FAM171A1: variants seen among roughly 807,000 people sequenced by gnomAD.
FAM171A1 encodes family with sequence similarity 171 member A1, also known as protein FAM171A1.
FAM171A1 carries 23 observed loss-of-function variants against 74.9 expected under a neutral mutation model. That is an observed-to-expected ratio of 0.31 (90% CI 0.22 to 0.44). FAM171A1 has a LOEUF of 0.44. Ranked by LOEUF, FAM171A1 falls within the 20% of genes least tolerant of loss-of-function variation. The pLI is 1.00. For synonymous variants in FAM171A1, 527 were observed against 505.7 expected (o/e 1.04, Z -0.57); for missense variants, 1,162 against 1,159.2 (o/e 1.00, Z -0.03).
At chr10:15,322,570 C>T (rs1395078162) in intron 1 of FAM171A1, among the ~76,000 whole-genome samples, 1 of 152,174 alleles carries the variant, frequency 6.6e-6, no homozygotes, top group African/African-American at 2.4e-5. Context: ...CCAGCTGGTA[C>T]TATCAGTCAT....
At position 15,348,672 on chromosome 10, in the gene FAM171A1, T is replaced by G. The variant is rs576063210; in HGVS notation, c.97+22284A>C. Among the ~76,000 whole-genome samples, 229 of 152,250 alleles carry G rather than the reference T, an allele frequency of 1.5e-3. 2 individuals are homozygous for G. The South Asian group carries it at 0.019, about 13-fold the overall frequency. ...GCATCAGCCTCACGGAAGAGCTTGT[T>G]AACAGTACAGCCTCTCAGGGGCCAC... On this transcript the variant is annotated intron_variant, in intron 1 of 7. Transcript: ENST00000378116.
chr10:15,216,104 A>G lies in FAM171A1; in HGVS notation c.878T>C (p.Val293Ala). The G allele has an allele frequency of 6.3e-7, 1 of 1,591,246 alleles. No homozygotes were observed. The highest frequency in any genetic ancestry group is 8.5e-7 in the Non-Finnish European group (1 of 1,173,854). ...ATACGTGGTAATGTCCTGTGTTACA[A>G]CGGGACCTAGAAGGTCAGAAAATGG... ...AAMSPPIPGP[V>A]VTQDITTYHT... Residue 293 changes from valine (V) to alanine (A), a missense_variant, in exon 7 of 8, where the codon GTT (valine) becomes GCT (alanine). Coordinates refer to ENST00000378116, the MANE Select transcript of FAM171A1 (RefSeq NM_001010924.2).
chr10:15,237,007 C>T (rs1017246388), intron 5 of FAM171A1, among the ~76,000 whole-genome samples: 1 of 152,124 alleles, frequency 6.6e-6, no homozygotes, highest in Non-Finnish European at 1.5e-5. Context: ...GCAGGAGAAC[C>T]GCTTGAACCT....
rs1170539532 is a variant in FAM171A1 at position 15,254,726 on chromosome 10, C to T, written c.572G>A (p.Gly191Glu). Residue 191 changes from glycine to glutamate, a missense_variant, in exon 4 of 8, where the codon GGA (glycine) becomes GAA (glutamate). Physicochemically the swap from Gly to Glu is moderately conservative, Grantham distance 98. Coordinates refer to ENST00000378116, the MANE Select transcript of FAM171A1 (RefSeq NM_001010924.2). The stretch of plus-strand genomic sequence containing the variant: ...AGAGAAAAGACTCCAATTACCTGTT[C>T]CATTTCCGTCTAATCCTCGCAAATA... ...FPYLRGLDGNGTGNSTRHDLT... is the reference protein window; with the variant it reads ...FPYLRGLDGNETGNSTRHDLT... The T allele has an allele frequency of 1.9e-6, 3 of 1,613,794 alleles. No individual in the cohort carries two copies. Among genetic ancestry groups the T allele is most frequent in the Non-Finnish European group, 2.5e-6 (3 of 1,179,880 alleles).
intron 5 of FAM171A1, among the ~76,000 whole-genome samples, chr10:15,233,681 A>G (rs1000458594): frequency 1.3e-5 from 2 of 152,108 alleles, no homozygotes; most frequent in Non-Finnish European, 2.9e-5. Context: ...AGGTGGGTGG[A>G]TCATGAGGTC....
intron 3 of FAM171A1, among the ~76,000 whole-genome samples, chr10:15,264,567 T>C (rs1471443095): frequency 6.6e-6 from 1 of 152,036 alleles, no homozygotes; most frequent in South Asian, 2.1e-4. Flanking sequence ...GGCAGATAGC[T>C]TGAGCCTAGG....
At position 15,248,525 on chromosome 10, in the gene FAM171A1, C is replaced by T; in HGVS notation, c.754+114G>A. ...GAGAAACCACACAATGCAATGTGAG[C>T]AGCAGCATTCACTGACTTCAAGGAA... On this transcript the variant is annotated intron_variant, in intron 5 of 7. Coordinates refer to ENST00000378116, the MANE Select transcript of FAM171A1 (RefSeq NM_001010924.2). The T allele has an allele frequency of 2.7e-6, 3 of 1,125,726 alleles. No homozygotes were observed. The South Asian group carries it at 5.2e-5, about 20-fold the overall frequency. The allele number at this position is 1,125,726 out of a possible 1,614,324, so 69.7% of individuals were successfully genotyped here.
chr10:15,282,927 G>A (rs1834988650), intron 2 of FAM171A1, among the ~76,000 whole-genome samples: 1 of 152,158 alleles, frequency 6.6e-6, no homozygotes, highest in East Asian at 1.9e-4. Flanking sequence ...CTGCTGATAA[G>A]CCAAACTAAA....
intron 5 of FAM171A1, among the ~76,000 whole-genome samples, chr10:15,246,005 T>C (rs1302264789): frequency 6.6e-6 from 1 of 152,190 alleles, no homozygotes. Flanking sequence ...TCAGAGACTC[T>C]TGGTCACACA....
chr10:15,364,451 G>A (rs903683730), intron 1 of FAM171A1, among the ~76,000 whole-genome samples: 8 of 152,282 alleles, frequency 5.3e-5, no homozygotes, highest in South Asian at 2.1e-4. Context: ...AACTCCATGC[G>A]TTTTTCCAAA....
At chr10:15,220,173 T>C (rs1834019231) in intron 6 of FAM171A1, among the ~76,000 whole-genome samples, 1 of 152,234 alleles carries the variant, frequency 6.6e-6, no homozygotes, top group South Asian at 2.1e-4. Context: ...GCATGACTTT[T>C]AGATGTCTTT....
At chr10:15,251,565 G>C (rs1393421642) in intron 4 of FAM171A1, among the ~76,000 whole-genome samples, 2 of 151,816 alleles carry the variant, frequency 1.3e-5, no homozygotes, top group Non-Finnish European at 2.9e-5. Flanking sequence ...ACCACTCCTT[G>C]CTAATTTTTT....
chr10:15,280,197 G>A (rs906220455), intron 2 of FAM171A1, among the ~76,000 whole-genome samples: 1 of 152,190 alleles, frequency 6.6e-6, no homozygotes, highest in Admixed American at 6.5e-5. Flanking sequence ...CAGGGCGGCC[G>A]ACCATGAGAT....
Position 15,290,184 on chromosome 10 carries a change from C to T in FAM171A1, c.98-6079G>A, listed in dbSNP as rs183257617. 4.9e-4 allele frequency among the ~76,000 whole-genome samples: 75 copies of T among 151,792 alleles called. No homozygotes were observed. In the East Asian group the frequency reaches 0.011, roughly 22 times the overall value. The stretch of plus-strand genomic sequence containing the variant: ...CAGAGGTTGCAGTGAACCGAGACCA[C>T]GCCATTGCACTCCAGCCTGGATGAC... On this transcript the variant is annotated intron_variant, in intron 1 of 7. Transcript: ENST00000378116.
intron 5 of FAM171A1, chr10:15,241,212 A>T (rs1020165375): frequency 6.6e-6 from 1 of 152,198 alleles, no homozygotes; most frequent in Non-Finnish European, 1.5e-5. Flanking sequence ...ACTCTGGCAA[A>T]ATACAGGGGA....
intron 3 of FAM171A1, among the ~76,000 whole-genome samples, chr10:15,271,172 G>C (rs548265417): frequency 6.6e-6 from 1 of 152,244 alleles, no homozygotes; most frequent in Non-Finnish European, 1.5e-5. Context: ...AGAATAAACA[G>C]CGTAGAGAAG....
intron 5 of FAM171A1, among the ~76,000 whole-genome samples, chr10:15,236,385 A>T (rs1834290828): frequency 6.6e-6 from 1 of 151,934 alleles, no homozygotes; most frequent in Non-Finnish European, 1.5e-5. Context: ...TCCAAGCGCC[A>T]GGCTCTGTGG....
At chr10:15,367,709 A>G (rs1836082766) in intron 1 of FAM171A1, among the ~76,000 whole-genome samples, 1 of 152,254 alleles carries the variant, frequency 6.6e-6, no homozygotes, top group African/African-American at 2.4e-5. Flanking sequence ...TTCAAATGTT[A>G]TAACAGATTG....
At chr10:15,224,323 G>C (rs1011311158) in intron 5 of FAM171A1, among the ~76,000 whole-genome samples, 2 of 152,168 alleles carry the variant, frequency 1.3e-5, no homozygotes, top group African/African-American at 4.8e-5. Context: ...GAGGCCCCGG[G>C]TGAACAGGAC....
Sources: allele counts gnomAD v4.1 joint callset (sites outside exome capture counted in the v4.1 genomes callset), GRCh38; gene constraint gnomAD v4.1.1; transcripts MANE v1.5; gene names NCBI Gene and HGNC (gene_info 2026-07-23, HGNC 2026-07-21).